KIRREL3: variants seen among roughly 807,000 people sequenced by gnomAD.
KIRREL3 encodes the protein kirre like nephrin family adhesion molecule 3.
In KIRREL3, 36 loss-of-function variants were observed where a neutral mutation model predicts 89.7. The ratio of observed to expected loss-of-function variants is 0.40; its 90% CI spans 0.31 to 0.53. The LOEUF (loss-of-function observed/expected upper bound fraction) is 0.53, where lower values mean the gene tolerates loss of function less well. KIRREL3 is among the 20% of genes least tolerant of loss of function. The probability of loss-of-function intolerance (pLI) is 0.49; values close to 1 mark genes in which losing one functional copy is unlikely to be tolerated. For missense variants in KIRREL3, 864 were observed against 1,056.6 expected, an observed-to-expected ratio of 0.82 and a Z score of 2.53; for synonymous variants, 445 against 441.4, an observed-to-expected ratio of 1.01 and a Z score of -0.10.
In KIRREL3 at chr11:126,867,859, A is replaced by C. The variant is rs2134651735; in HGVS notation, c.55+132596T>G. Among the ~76,000 whole-genome samples, 1 of 152,136 alleles carries C rather than the reference A, an allele frequency of 6.6e-6. No individual in the cohort carries two copies. The highest frequency in any genetic ancestry group is 1.5e-5 in the Non-Finnish European group (1 of 67,986). Reference sequence around the variant, plus strand: ...GGTTTGAGTTTAGTTCTGCAATAAAACTGTGGACTCCCCACGGATGCCATG... The same window carrying C: ...GGTTTGAGTTTAGTTCTGCAATAAACCTGTGGACTCCCCACGGATGCCATG... On this transcript the variant is annotated intron_variant, in intron 1 of 16. Coordinates refer to ENST00000525144, the MANE Select transcript of KIRREL3 (RefSeq NM_032531.4). This position sits in a 1 kb window ranked among gnomAD's most constrained non-coding sequence, Gnocchi z 4.7.
At chr11:126,711,697 A>G (rs1001619720) in intron 1 of KIRREL3, among the ~76,000 whole-genome samples, 2 of 152,242 alleles carry the variant, frequency 1.3e-5, no homozygotes, top group African/African-American at 4.8e-5. Context: ...CTAATTTAGT[A>G]GGAATGAGCT....
At chr11:126,502,350 C>G (rs1957889982) in intron 4 of KIRREL3, among the ~76,000 whole-genome samples, 1 of 152,188 alleles carries the variant, frequency 6.6e-6, no homozygotes. Context: ...TGCCCACAGC[C>G]CCTCCTCCAC....
chr11:126,975,447 C>A (rs954659278), intron 1 of KIRREL3, among the ~76,000 whole-genome samples: 6 of 152,186 alleles, frequency 3.9e-5, no homozygotes, highest in Non-Finnish European at 7.3e-5. Context: ...TGCTGACCAC[C>A]TACTGTGTGC....
At chr11:126,603,009 C>T (rs898681818) in intron 1 of KIRREL3, among the ~76,000 whole-genome samples, 1 of 152,172 alleles carries the variant, frequency 6.6e-6, no homozygotes, top group Admixed American at 6.5e-5. Context: ...GACGCTCTCT[C>T]TCCTAGCTCA....
chr11:126,930,935 T>C (rs1592392835), intron 1 of KIRREL3, among the ~76,000 whole-genome samples: 2 of 152,352 alleles, frequency 1.3e-5, no homozygotes, highest in Admixed American at 1.3e-4. Flanking sequence ...CTGAACGACC[T>C]GGATTTGCCA....
chr11:126,776,634 C>G lies in KIRREL3; in HGVS notation c.56-213722G>C, dbSNP rs933289184. On this transcript the variant is annotated intron_variant, in intron 1 of 16. Transcript: ENST00000525144. This position sits in a 1 kb window ranked among gnomAD's most constrained non-coding sequence, Gnocchi z 4.7. ...AGCTTGCAGAAACACTTTAGTTGAA[C>G]AAGTCTCTGGGACAAACCAAGGATT... Among the ~76,000 whole-genome samples the G allele has an allele frequency of 3.3e-5, 5 of 152,310 alleles. No homozygotes were observed. The South Asian group carries it at 1.0e-3, about 32-fold the overall frequency.
At chr11:126,799,139 T>G (rs996204217) in intron 1 of KIRREL3, among the ~76,000 whole-genome samples, 2 of 139,372 alleles carry the variant, frequency 1.4e-5, no homozygotes, top group Admixed American at 7.4e-5. Flanking sequence ...TGCATGTACC[T>G]GTGTGTGCAT....
At chr11:126,863,462 CGTGTGTGTGTGA>C (rs1565363047) in intron 1 of KIRREL3, among the ~76,000 whole-genome samples, 7 of 132,490 alleles carry the variant, frequency 5.3e-5, no homozygotes, top group South Asian at 2.6e-4. Context: ...TGTTTGAGTG[CGTGTGTGTGTGA>C]GTGCGTGTGT....
Position 126,429,406 on chromosome 11 carries a change from T to A in KIRREL3, c.1697-118A>T. 1 of 699,120 alleles carries A rather than the reference T, an allele frequency of 1.4e-6. No homozygotes were observed. Among genetic ancestry groups the A allele is most frequent in the Non-Finnish European group, 2.6e-6 (1 of 390,860 alleles). 43.3% of individuals were successfully genotyped at this position (699,120 alleles called of 1,614,324 possible). A position where few individuals can be genotyped will look rare whatever the true frequency, so the allele number is the denominator to read the frequency against. On this transcript the variant is annotated intron_variant, in intron 14 of 16. Coordinates refer to ENST00000525144, the MANE Select transcript of KIRREL3 (RefSeq NM_032531.4). This position sits in a 1 kb window ranked among gnomAD's most constrained non-coding sequence, Gnocchi z 5.2. ...CCCTCTGCATTTCCCCTCCAGCCCC[T>A]GAACTCAGCAGCTTCACCAGCCCCC... is the stretch of plus-strand genomic sequence containing the variant.
chr11:126,720,816 G>A (rs1217939224), intron 1 of KIRREL3, among the ~76,000 whole-genome samples: 1 of 152,198 alleles, frequency 6.6e-6, no homozygotes, highest in Non-Finnish European at 1.5e-5. Flanking sequence ...CATTGAAGAG[G>A]AAGCCTGGGA....
chr11:126,514,407 G>T (rs1331471451), intron 4 of KIRREL3, among the ~76,000 whole-genome samples: 1 of 152,148 alleles, frequency 6.6e-6, no homozygotes, highest in Non-Finnish European at 1.5e-5. Context: ...GCTGGGAGGG[G>T]CCTGCAGGAA....
At chr11:126,595,782 G>A (rs1942363960) in intron 1 of KIRREL3, among the ~76,000 whole-genome samples, 1 of 152,218 alleles carries the variant, frequency 6.6e-6, no homozygotes, top group African/African-American at 2.4e-5. Flanking sequence ...GACAAGCCCT[G>A]ATGGCATACA....
At chr11:126,646,568 G>C (rs1944690850) in intron 1 of KIRREL3, among the ~76,000 whole-genome samples, 1 of 147,498 alleles carries the variant, frequency 6.8e-6, no homozygotes, top group Non-Finnish European at 1.5e-5. Context: ...TTCAACTCCT[G>C]GGTTCAGGTG....
intron 1 of KIRREL3, among the ~76,000 whole-genome samples, chr11:126,648,588 T>C: frequency 6.6e-6 from 1 of 152,240 alleles, no homozygotes; most frequent in Non-Finnish European, 1.5e-5. Flanking sequence ...ATTTCATGTC[T>C]CCTCCACTAG....
intron 6 of KIRREL3, among the ~76,000 whole-genome samples, chr11:126,457,492 T>C (rs544088045): frequency 1.3e-5 from 2 of 151,850 alleles, no homozygotes; most frequent in South Asian, 2.1e-4. Context: ...TATGTATGTA[T>C]GTATGCGTGT....
intron 1 of KIRREL3, among the ~76,000 whole-genome samples, chr11:126,984,892 G>A (rs1285322787): frequency 3.3e-5 from 5 of 152,156 alleles, no homozygotes; most frequent in African/African-American, 1.2e-4. Context: ...CCCTGGGCTT[G>A]GATTTGAACT....
At chr11:126,982,998 G>C (rs554295953) in intron 1 of KIRREL3, among the ~76,000 whole-genome samples, 2 of 152,064 alleles carry the variant, frequency 1.3e-5, no homozygotes, top group Non-Finnish European at 2.9e-5. Context: ...CTCCCCCATG[G>C]GACCCAATGA....
intron 1 of KIRREL3, among the ~76,000 whole-genome samples, chr11:126,777,484 A>C (rs917527569): frequency 2.6e-5 from 4 of 152,060 alleles, no homozygotes; most frequent in South Asian, 2.1e-4. Flanking sequence ...CTCAAAAAAA[A>C]CCCCAAAGCA....
At chr11:126,858,056 C>G (rs2134599944) in intron 1 of KIRREL3, among the ~76,000 whole-genome samples, 1 of 152,324 alleles carries the variant, frequency 6.6e-6, no homozygotes, top group Admixed American at 6.5e-5. Flanking sequence ...ACCGTGTGAA[C>G]TGCCTCGCCA....
Sources: gnomAD v4.1 joint callset for allele counts (sites outside exome capture counted in the v4.1 genomes callset) on GRCh38, gnomAD v4.1.1 for gene constraint, Gnocchi (gnomAD v3.1) non-coding constraint, MANE v1.5 for transcripts, NCBI Gene and HGNC (gene_info 2026-07-23, HGNC 2026-07-21) for gene names.